Variants in CLIP1 observed in about 807,000 individuals in gnomAD.
CLIP1 encodes the protein CAP-Gly domain-containing linker protein 1.
In CLIP1, 66 loss-of-function variants were observed where a neutral mutation model predicts 161.6. The observed-to-expected ratio is 0.41, with a 90% confidence interval of 0.33 to 0.50. The LOEUF is 0.50. Ranked by LOEUF, CLIP1 falls within the 20% of genes least tolerant of loss-of-function variation. CLIP1 has a pLI of 0.27. For synonymous variants in CLIP1, 598 were observed against 626.2 expected (o/e 0.96, Z 0.67); for missense variants, 1,376 against 1,702.0 (o/e 0.81, Z 3.37).
intron 20 of CLIP1, among the ~76,000 whole-genome samples, chr12:122,293,824 A>T (rs1950358278): frequency 1.0e-5 from 1 of 96,316 alleles, no homozygotes; most frequent in African/African-American, 6.0e-5. Flanking sequence ...TTTTTTTTTG[A>T]GACAGAGTCT....
At position 122,309,662 on chromosome 12, in the gene CLIP1, C is replaced by A. The variant is rs552400560; in HGVS notation, c.3594+100G>T. On this transcript the variant is annotated intron_variant, in intron 20 of 25. Transcript: ENST00000620786. Reference sequence around the variant, plus strand: ...CTTGGAATTCCATTTGGAATGACCCCACCACACTGAGCAGACCTCCGAGTG... The same window carrying A: ...CTTGGAATTCCATTTGGAATGACCCAACCACACTGAGCAGACCTCCGAGTG... 5.0e-6 allele frequency: 7 copies of A among 1,405,500 alleles called. No homozygotes were observed. In the Admixed American group the frequency reaches 1.3e-4, roughly 27 times the overall value. The allele number at this position is 1,405,500 out of a possible 1,614,324, so 87.1% of individuals were successfully genotyped here. A position where few individuals can be genotyped will look rare whatever the true frequency, so the allele number is the denominator to read the frequency against.
intron 20 of CLIP1, among the ~76,000 whole-genome samples, chr12:122,302,574 G>A (rs112980535): frequency 2.6e-4 from 40 of 151,710 alleles, no homozygotes; most frequent in African/African-American, 9.2e-4. Context: ...TTTCCTTATC[G>A]TATCTCCTAA....
intron 10 of CLIP1, chr12:122,343,125 T>C (rs1308066664): frequency 6.7e-6 from 1 of 148,304 alleles, no homozygotes; most frequent in Non-Finnish European, 1.5e-5. Flanking sequence ...GAATGAAGAA[T>C]TAATTTACTA....
rs1301593971 is a variant in CLIP1, at chr12:122,380,441, T to C, written c.12A>G (p.Leu4=). 1 of 1,611,780 alleles carries C rather than the reference T, an allele frequency of 6.2e-7. No individual in the cohort carries two copies. Among genetic ancestry groups the C allele is most frequent in the African/African-American group, 1.3e-5 (1 of 74,772 alleles). ...TGGGGGCCTTAAGCCCACTTGGCTT[T>C]AGCATACTCATTTTCTTTGTATGTC... MSM[L]KPSGLKAPTK... The change falls in exon 2 of 26, where the codon CTA becomes CTG. Residue 4 remains leucine (L), a synonymous_variant. Coordinates refer to ENST00000620786, the MANE Select transcript of CLIP1 (RefSeq NM_001247997.2).
intron 12 of CLIP1, among the ~76,000 whole-genome samples, chr12:122,336,390 T>A (rs972980964): frequency 2.0e-5 from 3 of 147,314 alleles, no homozygotes; most frequent in Non-Finnish European, 3.0e-5. Context: ...AAGCAGTGCG[T>A]TACCAAAGGC....
intron 10 of CLIP1, among the ~76,000 whole-genome samples, chr12:122,346,536 T>G (rs931639963): frequency 1.3e-5 from 2 of 152,156 alleles, no homozygotes; most frequent in Non-Finnish European, 2.9e-5. Context: ...AGAGTCTCAC[T>G]CTGTCACCCA....
intron 21 of CLIP1, among the ~76,000 whole-genome samples, chr12:122,288,065 C>G (rs2136289953): frequency 6.6e-6 from 1 of 151,542 alleles, no homozygotes; most frequent in Non-Finnish European, 1.5e-5. Flanking sequence ...CGGAGTCTCT[C>G]ACTGTTGCCC....
chr12:122,278,991 C>T (rs200290353), intron 22 of CLIP1, 37 bp downstream of exon 22: 1 of 1,605,648 alleles, frequency 6.2e-7, no homozygotes, highest in African/African-American at 1.3e-5. Context: ...CGAAAGGAGG[C>T]CGCGTGAAAG....
intron 1 of CLIP1, among the ~76,000 whole-genome samples, chr12:122,386,072 G>T (rs11057858): frequency 1.3e-5 from 2 of 152,142 alleles, no homozygotes. Context: ...GTTCACCTGA[G>T]GTCAGGAGTT....
At chr12:122,393,878 C>T (rs1479714129) in intron 1 of CLIP1, among the ~76,000 whole-genome samples, 1 of 117,960 alleles carries the variant, frequency 8.5e-6, no homozygotes, top group Non-Finnish European at 1.6e-5. Flanking sequence ...GACCACTGCA[C>T]TCCAGCCTGG....
intron 14 of CLIP1, among the ~76,000 whole-genome samples, chr12:122,333,354 A>T (rs1593091648): frequency 1.3e-5 from 2 of 152,206 alleles, no homozygotes; most frequent in East Asian, 3.8e-4. Context: ...AAATAAATGC[A>T]GGCAAAGGAG....
intron 19 of CLIP1, among the ~76,000 whole-genome samples, chr12:122,314,061 G>A (rs1259390759): frequency 6.6e-6 from 1 of 152,196 alleles, no homozygotes. Context: ...GGGAGGCTGA[G>A]GCAGGCGGAT....
intron 21 of CLIP1, among the ~76,000 whole-genome samples, chr12:122,283,468 T>C (rs1318535791): frequency 6.6e-6 from 1 of 150,486 alleles, no homozygotes; most frequent in Non-Finnish European, 1.5e-5. Flanking sequence ...TTTCTTTTTT[T>C]TTTTTTTTGA....
intron 19 of CLIP1, among the ~76,000 whole-genome samples, chr12:122,310,854 T>C (rs1951037036): frequency 6.6e-6 from 1 of 152,196 alleles, no homozygotes. Context: ...ACTTCAATTG[T>C]CTAATGGGTG....
intron 3 of CLIP1, among the ~76,000 whole-genome samples, chr12:122,371,703 G>A (rs1317899603): frequency 6.6e-6 from 1 of 152,184 alleles, no homozygotes; most frequent in East Asian, 1.9e-4. Context: ...GATGGACAGT[G>A]AGACCAGAGG....
chr12:122,333,705 C>G (rs1416207452), intron 14 of CLIP1, among the ~76,000 whole-genome samples: 1 of 152,134 alleles, frequency 6.6e-6, no homozygotes, highest in Non-Finnish European at 1.5e-5. Flanking sequence ...GAGAACAGAC[C>G]GAAGCCGGCA....
At chr12:122,399,485 G>C (rs547404096) in intron 1 of CLIP1, 2 of 152,192 alleles carry the variant, frequency 1.3e-5, no homozygotes, top group African/African-American at 4.8e-5. Flanking sequence ...CACATAGAGC[G>C]GCATCACGTT....
At chr12:122,332,860 A>T in intron 15 of CLIP1, 127 bp downstream of exon 15, 1 of 704,386 alleles carries the variant, frequency 1.4e-6, no homozygotes, top group Non-Finnish European at 2.3e-6. Context: ...ATGAGGTAAT[A>T]ACAGAAAAGA....
Position 122,319,330 on chromosome 12 carries a change from C to T in CLIP1, c.3268G>A (p.Asp1090Asn). Residue 1090 changes from aspartate to asparagine, a missense_variant, in exon 18 of 26, where the codon GAT (aspartate) becomes AAT (asparagine). Asp to Asn is a conservative substitution (Grantham distance 23). Around this residue, in one of 6 missense-constraint regions of CLIP1, gnomAD observed 948 missense variants for 1,134.8 expected, o/e 0.84. Coordinates refer to ENST00000620786, the MANE Select transcript of CLIP1 (RefSeq NM_001247997.2). ...ATCTGTTCCATTATCTGCATGGCAT[C>T]TTCCGCTGTTTGAGCAGCCTAAATA... is the stretch of plus-strand genomic sequence containing the variant. ...DKAKAAQTAE[D>N]AMQIMEQMTK... 2 of 1,613,856 alleles carry T rather than the reference C, an allele frequency of 1.2e-6. No homozygotes were observed. The highest frequency in any genetic ancestry group is 1.7e-6 in the Non-Finnish European group (2 of 1,179,696).
Sources: allele counts gnomAD v4.1 joint callset (sites outside exome capture counted in the v4.1 genomes callset), GRCh38; gene constraint gnomAD v4.1.1; regional missense constraint gnomAD v4.1.1; transcripts MANE v1.5; gene names NCBI Gene and HGNC (gene_info 2026-07-23, HGNC 2026-07-21).